Variants in TSG101 observed in about 807,000 individuals in gnomAD.
The protein encoded by TSG101 is tumor susceptibility 101, also known as tumor susceptibility gene 101 protein.
Under a neutral mutation model 48.5 loss-of-function variants are expected in TSG101, and 19 were observed. That is an observed-to-expected ratio of 0.39 (90% CI 0.27 to 0.58). TSG101 has a LOEUF of 0.58. TSG101 is among the 20% of genes least tolerant of loss of function. The pLI, the probability that TSG101 is intolerant of heterozygous loss-of-function variation, is 0.55. For missense variants in TSG101, 365 were observed against 484.4 expected (o/e 0.75, Z 2.31); for synonymous variants, 174 against 169.4 (o/e 1.03, Z -0.21).
intron 7 of TSG101, among the ~76,000 whole-genome samples, chr11:18,486,242 C>T (rs898672499): frequency 1.2e-4 from 18 of 152,192 alleles, no homozygotes; most frequent in African/African-American, 4.3e-4. Context: ...ACTCGGGAAC[C>T]AGCGGGTAAG....
chr11:18,486,593 G>C (rs1413378019), intron 7 of TSG101, among the ~76,000 whole-genome samples: 1 of 152,012 alleles, frequency 6.6e-6, no homozygotes, highest in Non-Finnish European at 1.5e-5. Context: ...AGTTAGAATG[G>C]TGATCATTAA....
In TSG101 at chr11:18,480,626, G is replaced by T; in HGVS notation, c.1093C>A (p.Leu365Ile). 6.2e-7 allele frequency: 1 copy of T among 1,613,840 alleles called. No individual in the cohort carries two copies. Among genetic ancestry groups the T allele is most frequent in the Non-Finnish European group, 8.5e-7 (1 of 1,179,870 alleles). Residue 365 changes from leucine (L) to isoleucine (I), a missense_variant, in exon 10 of 10, where the codon CTT becomes ATT. Physicochemically the swap from Leu to Ile is conservative, Grantham distance 5 (BLOSUM62 2). Transcript: ENST00000251968. Reference protein sequence around the residue: ...DLDVFLKHVRLLSRKQFQLRA... With the variant: ...DLDVFLKHVRILSRKQFQLRA... Reference sequence around the variant, plus strand: ...AGCTGGAACTGTTTACGGGACAGAAGACGTACATGCTGGGAGGGGAGAAAA... The same window carrying T: ...AGCTGGAACTGTTTACGGGACAGAATACGTACATGCTGGGAGGGGAGAAAA...
intron 7 of TSG101, among the ~76,000 whole-genome samples, chr11:18,499,498 C>A (rs1272026838): frequency 7.3e-6 from 1 of 137,882 alleles, no homozygotes; most frequent in Non-Finnish European, 1.5e-5. Context: ...GCAACCTCTG[C>A]CTCCAGGGTT....
intron 7 of TSG101, among the ~76,000 whole-genome samples, chr11:18,491,607 G>A (rs927226392): frequency 2.0e-5 from 3 of 152,200 alleles, no homozygotes; most frequent in African/African-American, 7.2e-5. Flanking sequence ...TTTGCCATAA[G>A]TCATAACTGT....
chr11:18,515,297 A>T (rs1850152475), intron 3 of TSG101, among the ~76,000 whole-genome samples: 1 of 152,144 alleles, frequency 6.6e-6, no homozygotes, highest in Non-Finnish European at 1.5e-5. Flanking sequence ...TACATCCTTT[A>T]TTCATCTTTG....
chr11:18,519,388 C>G (rs765321516), intron 2 of TSG101, 131 bp downstream of exon 2: 2 of 692,742 alleles, frequency 2.9e-6, no homozygotes, highest in Non-Finnish European at 5.0e-6. Context: ...TACCCTCCAA[C>G]AGTTTTATTA....
Position 18,509,464 on chromosome 11 carries a change from TTTTC to T in TSG101, c.481+74_481+77del, listed in dbSNP as rs550671617. 2.8e-4 allele frequency: 416 copies of T among 1,512,534 alleles called. 6 individuals carry two copies. The African/African-American group carries it at 5.1e-3, about 19-fold the overall frequency. 93.7% of individuals were successfully genotyped at this position (1,512,534 alleles called of 1,614,324 possible). A position where few individuals can be genotyped will look rare whatever the true frequency, so the allele number is the denominator to read the frequency against. ...AACTAAAAAGCAAAGAAGTCATTAT[TTTTC>T]TTTATTTTTTTACAAAGGTTTCTGT... On this transcript the variant is annotated intron_variant, in intron 5 of 9. Transcript: ENST00000251968.
At chr11:18,507,797 G>C (rs545445703) in intron 5 of TSG101, 1 of 151,730 alleles carries the variant, frequency 6.6e-6, no homozygotes, top group African/African-American at 2.4e-5. Flanking sequence ...AAGAAATTTA[G>C]GAAAAAAAAA....
chr11:18,502,481 C>T lies in TSG101; in HGVS notation c.640+5G>A. On this transcript the variant is annotated splice_donor_5th_base_variant and intron_variant, in intron 7 of 9. Coordinates refer to ENST00000251968, the MANE Select transcript of TSG101 (RefSeq NM_006292.4). ...GGTGAAACACAAGTTTTCAAGGGTA[C>T]TTACCAACAGTGGTCACAGGAGGCT... 6.2e-7 allele frequency: 1 copy of T among 1,610,856 alleles called. No homozygotes were observed. Among genetic ancestry groups the T allele is most frequent in the Non-Finnish European group, 8.5e-7 (1 of 1,178,184 alleles).
chr11:18,491,572 C>G (rs1243349366), intron 7 of TSG101, among the ~76,000 whole-genome samples: 3 of 152,188 alleles, frequency 2.0e-5, no homozygotes, highest in Non-Finnish European at 4.4e-5. Context: ...ACGTGTCTTT[C>G]CTCAGCCTAT....
intron 4 of TSG101, chr11:18,510,956 A>C (rs1348288487): frequency 1.3e-5 from 2 of 152,180 alleles, no homozygotes; most frequent in African/African-American, 2.4e-5. Flanking sequence ...ACAACAAAAA[A>C]CAACAAAAGA....
chr11:18,497,174 C>T (rs997456775), intron 7 of TSG101, among the ~76,000 whole-genome samples: 2 of 152,076 alleles, frequency 1.3e-5, no homozygotes, highest in Admixed American at 6.6e-5. Flanking sequence ...CAGCCCAAAT[C>T]GTGACCATTG....
At chr11:18,499,396 A>ATTTTTTTT (rs1438562271) in intron 7 of TSG101, among the ~76,000 whole-genome samples, 3 of 3,738 alleles carry the variant, frequency 8.0e-4, no homozygotes, top group African/African-American at 1.8e-3. Context: ...ATATATATAT[A>ATTTTTTTT]TATATATTTT....
At chr11:18,519,724 T>TA (rs1850237748) in intron 1 of TSG101, 121 bp from the exon 2 acceptor site, 1 of 673,152 alleles carries the variant, frequency 1.5e-6, no homozygotes. Context: ...TGAAAGAACC[T>TA]AAAAAACCCA....
chr11:18,525,059 C>T (rs950016739), intron 1 of TSG101, among the ~76,000 whole-genome samples: 8 of 151,698 alleles, frequency 5.3e-5, no homozygotes, highest in African/African-American at 1.7e-4. Flanking sequence ...TTACAGGCAC[C>T]CGCCATCATG....
intron 7 of TSG101, among the ~76,000 whole-genome samples, chr11:18,501,978 G>C (rs2133918326): frequency 6.6e-6 from 1 of 152,318 alleles, no homozygotes; most frequent in East Asian, 1.9e-4. Flanking sequence ...GGTGCAGGTA[G>C]TGGGAGATAG....
intron 6 of TSG101, among the ~76,000 whole-genome samples, chr11:18,503,308 T>G (rs1215118785): frequency 6.6e-6 from 1 of 152,004 alleles, no homozygotes; most frequent in African/African-American, 2.4e-5. Context: ...TGGAGACTCC[T>G]AAAACTCGAA....
At chr11:18,510,316 G>A (rs1298910600) in intron 4 of TSG101, among the ~76,000 whole-genome samples, 1 of 152,174 alleles carries the variant, frequency 6.6e-6, no homozygotes, top group Non-Finnish European at 1.5e-5. Context: ...AGTTACTCAG[G>A]AGGCTGAGGC....
chr11:18,496,441 CAAAAATAAAA>C (rs1849778403), intron 7 of TSG101, among the ~76,000 whole-genome samples: 2 of 94,392 alleles, frequency 2.1e-5, no homozygotes, highest in Non-Finnish European at 4.5e-5. Flanking sequence ...AACTCTGTCT[CAAAAATAAAA>C]TAAAATAAAA....
Sources: gnomAD v4.1 joint callset for allele counts (sites outside exome capture counted in the v4.1 genomes callset) on GRCh38, gnomAD v4.1.1 for gene constraint, MANE v1.5 for transcripts, NCBI Gene and HGNC (gene_info 2026-07-23, HGNC 2026-07-21) for gene names.